EPHA6: variants seen among roughly 807,000 people sequenced by gnomAD.
EPHA6 encodes the protein EPH receptor A6, also known as ephrin type-A receptor 6.
A neutral mutation model predicts 112.0 loss-of-function variants in EPHA6; 50 were observed. The ratio of observed to expected loss-of-function variants is 0.45; its 90% confidence interval spans 0.36 to 0.56. EPHA6 has a LOEUF of 0.56. Among genes scored for constraint, EPHA6 ranks in the 20% least tolerant of loss-of-function variants. EPHA6 has a pLI of 0.00. For missense variants in EPHA6, 1,280 were observed against 1,417.4 expected, an observed-to-expected ratio of 0.90 and a Z score of 1.56; for synonymous variants, 529 against 490.7, an observed-to-expected ratio of 1.08 and a Z score of -1.03.
In EPHA6 at chr3:97,758,428, C is replaced by A. The variant is rs1576411102; in HGVS notation, c.*9727C>A. On this transcript the variant is annotated 3_prime_UTR_variant, in exon 18 of 18. Coordinates refer to ENST00000389672, the MANE Select transcript of EPHA6 (RefSeq NM_001080448.3). ...CAAAATTGTATAATTCCTAAATTTT[C>A]ATATATATACATATACTGACATACC... 6.6e-6 allele frequency among the ~76,000 whole-genome samples: 1 copy of A among 151,952 alleles called. No homozygotes were observed. Among genetic ancestry groups the A allele is most frequent in the East Asian group, 1.9e-4 (1 of 5,170 alleles).
chr3:96,859,144 C>T (rs2035864480), intron 1 of EPHA6, among the ~76,000 whole-genome samples: 2 of 149,818 alleles, frequency 1.3e-5, no homozygotes, highest in Admixed American at 6.7e-5. Context: ...TTTTCTTCAA[C>T]AGATACCCAC....
At chr3:97,634,994 T>C (rs2093933725) in intron 13 of EPHA6, among the ~76,000 whole-genome samples, 1 of 151,810 alleles carries the variant, frequency 6.6e-6, no homozygotes, top group Admixed American at 6.6e-5. Flanking sequence ...AATATGAGAA[T>C]ACTAGTATAG....
chr3:97,672,913 T>C (rs1274944602), intron 14 of EPHA6, among the ~76,000 whole-genome samples: 2 of 152,180 alleles, frequency 1.3e-5, no homozygotes, highest in Non-Finnish European at 2.9e-5. Flanking sequence ...TTTGATTTAT[T>C]AGCACTCCAA....
chr3:97,278,047 G>A (rs1434331524), intron 5 of EPHA6, among the ~76,000 whole-genome samples: 1 of 152,214 alleles, frequency 6.6e-6, no homozygotes, highest in African/African-American at 2.4e-5. Context: ...GCACATGACT[G>A]TACTATAATT....
chr3:96,999,428 C>A (rs139937880), intron 3 of EPHA6, among the ~76,000 whole-genome samples: 2 of 152,030 alleles, frequency 1.3e-5, no homozygotes, highest in South Asian at 2.1e-4. Context: ...TTGTAGTTGT[C>A]TGTATCCAGC....
chr3:97,060,069 C>T (rs548111467), intron 3 of EPHA6, among the ~76,000 whole-genome samples: 75 of 151,846 alleles, frequency 4.9e-4, no homozygotes, highest in African/African-American at 1.7e-3. Context: ...TGCAGTGAGC[C>T]GAGATCACAC....
intron 7 of EPHA6, among the ~76,000 whole-genome samples, chr3:97,454,403 T>C (rs1688371687): frequency 6.6e-6 from 1 of 151,792 alleles, no homozygotes; most frequent in South Asian, 2.1e-4. Context: ...AAGAATGGTA[T>C]GTTGCCTACC....
At chr3:97,565,385 C>A (rs1370237943) in intron 11 of EPHA6, among the ~76,000 whole-genome samples, 1 of 152,060 alleles carries the variant, frequency 6.6e-6, no homozygotes, top group Non-Finnish European at 1.5e-5. Context: ...ATGTGTATGA[C>A]AAATTCTGAA....
At chr3:97,163,680 C>T (rs1234328423) in intron 3 of EPHA6, among the ~76,000 whole-genome samples, 1 of 152,110 alleles carries the variant, frequency 6.6e-6, no homozygotes, top group Non-Finnish European at 1.5e-5. Flanking sequence ...TCTCCACAGG[C>T]AGTGTAAGGC....
intron 3 of EPHA6, among the ~76,000 whole-genome samples, chr3:97,037,833 T>C (rs1657294369): frequency 6.6e-6 from 1 of 151,946 alleles, no homozygotes; most frequent in South Asian, 2.1e-4. Context: ...GCATGGAAAA[T>C]AATGTTTGCA....
intron 5 of EPHA6, among the ~76,000 whole-genome samples, chr3:97,308,320 C>T (rs747679559): frequency 2.6e-5 from 4 of 151,754 alleles, no homozygotes; most frequent in South Asian, 4.1e-4. Context: ...AAAATCTCTC[C>T]GTAGGGAACC....
chr3:96,864,956 A>T (rs1035804093), intron 1 of EPHA6, among the ~76,000 whole-genome samples: 1 of 152,090 alleles, frequency 6.6e-6, no homozygotes, highest in Non-Finnish European at 1.5e-5. Flanking sequence ...GTGAAATGAT[A>T]AGATTCCTGA....
intron 4 of EPHA6, among the ~76,000 whole-genome samples, chr3:97,239,397 C>A (rs934754165): frequency 2.0e-4 from 31 of 151,844 alleles, no homozygotes; most frequent in Admixed American, 5.9e-4. Context: ...ATCCACTCCC[C>A]ACTTGCTGTT....
Position 97,758,614 on chromosome 3 carries a change from A to T in EPHA6, c.*9913A>T, listed in dbSNP as rs2036081112. The stretch of plus-strand genomic sequence containing the variant: ...GACCTTCTAGTGATAAAGACACACA[A>T]TGAAGAAATAGTGATGTGCTGTGCT... On this transcript the variant is annotated 3_prime_UTR_variant, in exon 18 of 18. Transcript: ENST00000389672. Among the ~76,000 whole-genome samples the T allele has an allele frequency of 6.6e-6, 1 of 151,950 alleles. No homozygotes were observed. Among genetic ancestry groups the T allele is most frequent in the Non-Finnish European group, 1.5e-5 (1 of 67,888 alleles).
chr3:96,952,101 C>G (rs998132760), intron 2 of EPHA6, among the ~76,000 whole-genome samples: 6 of 152,112 alleles, frequency 3.9e-5, no homozygotes. Context: ...TCCTCTTGTT[C>G]TCCATTGTAC....
Position 97,153,316 on chromosome 3 carries a change from C to T in EPHA6, c.1115-72948C>T, listed in dbSNP as rs1380441451. 1.3e-5 allele frequency among the ~76,000 whole-genome samples: 2 copies of T among 151,932 alleles called. 1 individual carries two copies. The highest frequency in any genetic ancestry group is 1.3e-4 in the Admixed American group (2 of 15,244). On this transcript the variant is annotated intron_variant, in intron 3 of 17. Transcript: ENST00000389672. The stretch of plus-strand genomic sequence containing the variant: ...GATTAGAAATGTAATTCTGGTCCAT[C>T]AAATTATGATTCGATAATAGTTTAA...
chr3:97,231,560 G>A (rs2078525240), intron 4 of EPHA6, among the ~76,000 whole-genome samples: 3 of 152,162 alleles, frequency 2.0e-5, no homozygotes, highest in South Asian at 4.1e-4. Flanking sequence ...AGATGGTGAA[G>A]TTTATATACC....
At chr3:97,079,868 T>A (rs529075928) in intron 3 of EPHA6, among the ~76,000 whole-genome samples, 1 of 151,846 alleles carries the variant, frequency 6.6e-6, no homozygotes, top group African/African-American at 2.4e-5. Context: ...GCAAAAAAAT[T>A]ATGACTTGCT....
chr3:97,697,815 T>C (rs1302485055), intron 14 of EPHA6, among the ~76,000 whole-genome samples: 1 of 152,144 alleles, frequency 6.6e-6, no homozygotes, highest in African/African-American at 2.4e-5. Flanking sequence ...CTGGCTTTCC[T>C]CCCCAAACTG....
Sources: allele counts gnomAD v4.1 joint callset (sites outside exome capture counted in the v4.1 genomes callset), GRCh38; gene constraint gnomAD v4.1.1; transcripts MANE v1.5; gene names NCBI Gene and HGNC (gene_info 2026-07-23, HGNC 2026-07-21).